SCN2A: variants seen among roughly 807,000 people sequenced by gnomAD.
The protein encoded by SCN2A is sodium channel protein type 2 subunit alpha.
SCN2A carries 20 observed loss-of-function variants against 188.7 expected under a neutral mutation model. The observed-to-expected ratio is 0.11, with a 90% confidence interval of 0.07 to 0.15. The LOEUF (loss-of-function observed/expected upper bound fraction) is 0.15. Among genes scored for constraint, SCN2A ranks in the 10% least tolerant of loss-of-function variants. The probability of loss-of-function intolerance (pLI) is 1.00; values close to 1 mark genes in which losing one functional copy is unlikely to be tolerated. For synonymous variants in SCN2A, 804 were observed against 833.1 expected, an observed-to-expected ratio of 0.97 and a Z score of 0.60; for missense variants, 1,278 against 2,445.0, an observed-to-expected ratio of 0.52 and a Z score of 10.07.
intron 14 of SCN2A, among the ~76,000 whole-genome samples, chr2:165,334,202 G>A (rs1303124780): frequency 5.3e-5 from 8 of 151,608 alleles, no homozygotes; most frequent in African/African-American, 9.7e-5. Context: ...TCAATGGAGC[G>A]TTAACATCAA....
In SCN2A at chr2:165,389,610, A is replaced by G. The variant is rs556514878; in HGVS notation, c.5804A>G (p.Asp1935Gly). Residue 1935 changes from aspartate (D) to glycine (G), a missense_variant, in exon 27 of 27, where the codon GAC (aspartate) becomes GGC (glycine). Around this residue, in one of 17 missense-constraint regions of SCN2A, gnomAD observed 109 missense variants for 137.9 expected, o/e 0.79. Coordinates refer to ENST00000375437, the MANE Select transcript of SCN2A (RefSeq NM_001040142.2). This position sits in a 1 kb window ranked among gnomAD's most constrained non-coding sequence, Gnocchi z 4.2. ...AAGGTATCAAGTATATACAAGAAAG[A>G]CAAAGGCAAAGAATGTGATGGAACA... ...VKKVSSIYKK[D>G]KGKECDGTPI... 2.5e-6 allele frequency: 4 copies of G among 1,614,010 alleles called. No homozygotes were observed. The East Asian group carries it at 6.7e-5, about 27-fold the overall frequency.
At chr2:165,313,859 C>A in intron 9 of SCN2A, 43 bp from the exon 10 acceptor site, 1 of 1,611,454 alleles carries the variant, frequency 6.2e-7, no homozygotes, top group Non-Finnish European at 8.5e-7. Flanking sequence ...AAGTTTGTAA[C>A]ATCCTATATA....
chr2:165,274,549 C>T (rs553461308), intron 1 of SCN2A, among the ~76,000 whole-genome samples: 2 of 152,162 alleles, frequency 1.3e-5, no homozygotes, highest in African/African-American at 2.4e-5. Flanking sequence ...TTTTCACACA[C>T]GAAAACAAAA....
chr2:165,291,976 T>G (rs1696235251), intron 1 of SCN2A, among the ~76,000 whole-genome samples: 1 of 151,966 alleles, frequency 6.6e-6, no homozygotes. Context: ...CCCACTGAAT[T>G]GAGGTCTGGA....
chr2:165,266,039 T>G (rs930560060), intron 1 of SCN2A, among the ~76,000 whole-genome samples: 5 of 152,052 alleles, frequency 3.3e-5, no homozygotes, highest in African/African-American at 4.8e-5. Context: ...TTTTAGTTAC[T>G]AAAGAATATG....
At chr2:165,361,626 A>G (rs1700462245) in intron 17 of SCN2A, among the ~76,000 whole-genome samples, 1 of 152,006 alleles carries the variant, frequency 6.6e-6, no homozygotes, top group Non-Finnish European at 1.5e-5. Flanking sequence ...ATCAAGTACC[A>G]CAAGTGGAAA....
chr2:165,272,823 C>A (rs538911840), intron 1 of SCN2A: 1 of 150,370 alleles, frequency 6.7e-6, no homozygotes, highest in African/African-American at 2.5e-5. Flanking sequence ...GTGCGCTATA[C>A]GGAGTGATAA....
chr2:165,354,241 A>G lies in SCN2A; in HGVS notation c.2969A>G (p.Asn990Ser), dbSNP rs753985224. The G allele has an allele frequency of 1.2e-5, 19 of 1,613,976 alleles. No homozygotes were observed. Among genetic ancestry groups the G allele is most frequent in the Non-Finnish European group, 1.4e-5 (17 of 1,180,008 alleles). The change falls in exon 17 of 27, where the codon AAT (asparagine) becomes AGT (serine). Residue 990 changes from asparagine to serine, a missense_variant. Transcript: ENST00000375437. Reference protein sequence around the residue: ...ALLLSSFSSDNLAATDDDNEM... With the variant: ...ALLLSSFSSDSLAATDDDNEM... ...CTTTTGAGTTCCTTCAGTTCTGACA[A>G]TCTTGCTGCCACTGATGATGATAAC...
chr2:165,383,262 G>A (rs1558881500), intron 25 of SCN2A, among the ~76,000 whole-genome samples: 1 of 151,980 alleles, frequency 6.6e-6, no homozygotes, highest in Admixed American at 6.6e-5. Flanking sequence ...GATTAATCAG[G>A]GAAGTTAGGG....
intron 1 of SCN2A, chr2:165,271,930 T>G (rs1695122241): frequency 6.6e-6 from 1 of 152,080 alleles, no homozygotes; most frequent in Non-Finnish European, 1.5e-5. Flanking sequence ...CACTCTCCTA[T>G]ATAAGTATGT....
Position 165,390,093 on chromosome 2 carries a change from G to A in SCN2A, c.*269G>A. On this transcript the variant is annotated 3_prime_UTR_variant, in exon 27 of 27. Coordinates refer to ENST00000375437, the MANE Select transcript of SCN2A (RefSeq NM_001040142.2). ...GCAGAGGCGTAATGGCTACTCAGACGATAGGAACCAATTTAAAGGGGGGAG... is the reference window on the plus strand; with the variant it reads ...GCAGAGGCGTAATGGCTACTCAGACAATAGGAACCAATTTAAAGGGGGGAG... The A allele has an allele frequency of 2.5e-6, 1 of 403,112 alleles. No individual in the cohort carries two copies. 25.0% of individuals were successfully genotyped at this position (403,112 alleles called of 1,614,324 possible).
intron 18 of SCN2A, among the ~76,000 whole-genome samples, chr2:165,366,318 G>T (rs1240308791): frequency 6.6e-6 from 1 of 152,158 alleles, no homozygotes; most frequent in Non-Finnish European, 1.5e-5. Context: ...TTTGACAATA[G>T]TAGATACTCA....
intron 1 of SCN2A, among the ~76,000 whole-genome samples, chr2:165,287,118 A>G (rs1695873454): frequency 6.6e-6 from 1 of 152,190 alleles, no homozygotes; most frequent in Non-Finnish European, 1.5e-5. Context: ...GTTTTAGAGC[A>G]GGAACAAAAG....
intron 25 of SCN2A, among the ~76,000 whole-genome samples, chr2:165,385,033 G>C (rs904512975): frequency 6.6e-6 from 1 of 152,118 alleles, no homozygotes; most frequent in Non-Finnish European, 1.5e-5. Context: ...GCCCTGAGAA[G>C]ACAGATCCAG....
chr2:165,382,286 C>T (rs1701644323), intron 25 of SCN2A, among the ~76,000 whole-genome samples: 1 of 151,958 alleles, frequency 6.6e-6, no homozygotes, highest in African/African-American at 2.4e-5. Context: ...TTAAGCAATA[C>T]AAATGCAATA....
chr2:165,311,291 A>G (rs1308399185), intron 7 of SCN2A, among the ~76,000 whole-genome samples: 1 of 152,038 alleles, frequency 6.6e-6, no homozygotes, highest in Non-Finnish European at 1.5e-5. Context: ...GTATGTGAAT[A>G]TAAAAATACG....
chr2:165,376,729 C>T (rs915891744), intron 22 of SCN2A, among the ~76,000 whole-genome samples: 8 of 151,788 alleles, frequency 5.3e-5, no homozygotes, highest in Admixed American at 1.3e-4. Context: ...TGTGTCCACA[C>T]GCGTGTGTGT....
chr2:165,316,255 A>G (rs1424263709), intron 11 of SCN2A, among the ~76,000 whole-genome samples: 1 of 152,192 alleles, frequency 6.6e-6, no homozygotes, highest in East Asian at 1.9e-4. Flanking sequence ...AAAGTAGCCA[A>G]AACTCTCAGA....
At chr2:165,250,738 T>C (rs1432676193) in intron 1 of SCN2A, among the ~76,000 whole-genome samples, 1 of 152,064 alleles carries the variant, frequency 6.6e-6, no homozygotes, top group Non-Finnish European at 1.5e-5. Context: ...CTGGCTGCTA[T>C]AGGAAAGGAT....
Sources: gnomAD v4.1 joint callset for allele counts (sites outside exome capture counted in the v4.1 genomes callset) on GRCh38, gnomAD v4.1.1 for gene constraint, gnomAD v4.1.1 regional missense constraint, Gnocchi (gnomAD v3.1) non-coding constraint, MANE v1.5 for transcripts, NCBI Gene and HGNC (gene_info 2026-07-23, HGNC 2026-07-21) for gene names.